GALNT13: variants seen among roughly 807,000 people sequenced by gnomAD.
GALNT13 encodes UDP-GalNAc:polypeptide N-acetylgalactosaminyltransferase 13.
A neutral mutation model predicts 64.2 loss-of-function variants in GALNT13; 28 were observed. The observed-to-expected ratio is 0.44, with a 90% CI of 0.32 to 0.60. The LOEUF is 0.60. Ranked by LOEUF, GALNT13 falls within the 20% of genes least tolerant of loss-of-function variation. The pLI, the probability that GALNT13 is intolerant of heterozygous loss-of-function variation, is 0.05. For missense variants in GALNT13, 577 were observed against 669.8 expected, an observed-to-expected ratio of 0.86 and a Z score of 1.53; for synonymous variants, 214 against 224.6, an observed-to-expected ratio of 0.95 and a Z score of 0.42.
chr2:153,591,460 T>C, the GALNT13 span, among the ~76,000 whole-genome samples: 28 of 152,186 alleles, frequency 1.8e-4, no homozygotes, highest in African/African-American at 6.5e-4. Context: ...TTGTAACATT[T>C]ATATGGAACC....
chr2:153,675,915 A>G, the GALNT13 span, among the ~76,000 whole-genome samples: 2 of 152,122 alleles, frequency 1.3e-5, no homozygotes, highest in Non-Finnish European at 1.5e-5. Context: ...AAAAAGTTAG[A>G]AAGATCTCAT....
At chr2:153,819,094 C>T in the GALNT13 span, among the ~76,000 whole-genome samples, 35,110 of 152,002 alleles carry the variant, frequency 0.23, 4,404 homozygotes, top group Non-Finnish European at 0.27. Context: ...ATCATTTCTC[C>T]CAGGGCCTGA....
chr2:153,800,558 A>T, the GALNT13 span, among the ~76,000 whole-genome samples: 1 of 152,208 alleles, frequency 6.6e-6, no homozygotes, highest in East Asian at 1.9e-4. Flanking sequence ...ATTTCTTTCA[A>T]ACTTGGTATC....
chr2:153,420,860 A>G, the GALNT13 span: 2 of 245,368 alleles, frequency 8.2e-6, no homozygotes, highest in Admixed American at 4.1e-5. Flanking sequence ...CCCAGGCCTC[A>G]GCAATGGCTA....
At chr2:154,455,814 C>T (rs1574343145), downstream of GALNT13, among the ~76,000 whole-genome samples, 2 of 152,170 alleles carry the variant, frequency 1.3e-5, no homozygotes, top group Non-Finnish European at 2.9e-5. Flanking sequence ...CTCTGAAATA[C>T]TGGTGAATTC....
chr2:153,956,345 T>A (rs949338198), intron 3 of GALNT13, among the ~76,000 whole-genome samples: 2 of 152,184 alleles, frequency 1.3e-5, no homozygotes, highest in East Asian at 1.9e-4. Flanking sequence ...ATTTAGCAAA[T>A]CAATACCTTA....
chr2:154,204,435 C>T (rs138668576), intron 4 of GALNT13, among the ~76,000 whole-genome samples: 8 of 152,112 alleles, frequency 5.3e-5, no homozygotes, highest in Middle Eastern at 3.4e-3. Context: ...TTTCAAGGCA[C>T]GATAACTTGA....
intron 9 of GALNT13, among the ~76,000 whole-genome samples, chr2:154,347,482 C>A (rs77853476): frequency 3.3e-5 from 5 of 152,092 alleles, no homozygotes; most frequent in African/African-American, 1.2e-4. Flanking sequence ...AAATTATCTG[C>A]TCTCCAGTAA....
chr2:153,908,256 T>C (rs182649237), intron 2 of GALNT13, among the ~76,000 whole-genome samples: 62 of 152,138 alleles, frequency 4.1e-4, no homozygotes, highest in African/African-American at 1.4e-3. Flanking sequence ...TACTTTTTCA[T>C]TGTAATTTAA....
chr2:153,984,685 T>A (rs1694678705), intron 3 of GALNT13, among the ~76,000 whole-genome samples: 2 of 151,988 alleles, frequency 1.3e-5, no homozygotes, highest in South Asian at 4.1e-4. Context: ...ATAAGCAACA[T>A]GATGCCCTCC....
intron 3 of GALNT13, among the ~76,000 whole-genome samples, chr2:154,036,743 G>C (rs1048191248): frequency 1.3e-5 from 2 of 151,916 alleles, no homozygotes; most frequent in Non-Finnish European, 2.9e-5. Context: ...TAATCCAATG[G>C]GAAGGAACAA....
chr2:153,962,961 A>G (rs1041012262), intron 3 of GALNT13, among the ~76,000 whole-genome samples: 1 of 152,204 alleles, frequency 6.6e-6, no homozygotes, highest in Non-Finnish European at 1.5e-5. Context: ...GCATAAAAAT[A>G]TTCTGTGGTA....
At chr2:154,228,124 G>A (rs1688723933) in intron 4 of GALNT13, among the ~76,000 whole-genome samples, 1 of 152,038 alleles carries the variant, frequency 6.6e-6, no homozygotes, top group Non-Finnish European at 1.5e-5. Flanking sequence ...TGATTCTGAT[G>A]TTAGTTCTGT....
the GALNT13 span, among the ~76,000 whole-genome samples, chr2:153,278,931 G>T: frequency 6.6e-6 from 1 of 152,116 alleles, no homozygotes; most frequent in African/African-American, 2.4e-5. Flanking sequence ...TATTGAATCT[G>T]CAGGTTACTT....
chr2:153,692,914 A>T, the GALNT13 span, among the ~76,000 whole-genome samples: 1 of 152,208 alleles, frequency 6.6e-6, no homozygotes, highest in African/African-American at 2.4e-5. Context: ...GGAGGTTTCT[A>T]GAAATCCAGA....
intron 2 of GALNT13, among the ~76,000 whole-genome samples, chr2:153,941,619 C>T (rs922421704): frequency 1.6e-4 from 24 of 152,210 alleles, no homozygotes; most frequent in Admixed American, 1.3e-3. Flanking sequence ...ACTGTGCTTA[C>T]GTTGGTTAGT....
chr2:154,264,843 A>G (rs1037401412), intron 8 of GALNT13, among the ~76,000 whole-genome samples: 1 of 151,864 alleles, frequency 6.6e-6, no homozygotes, highest in Non-Finnish European at 1.5e-5. Flanking sequence ...CCACCTTCAG[A>G]AACTAGAAAA....
chr2:153,613,646 A>G, the GALNT13 span, among the ~76,000 whole-genome samples: 2 of 152,272 alleles, frequency 1.3e-5, no homozygotes, highest in South Asian at 2.1e-4. Flanking sequence ...TCCTGATATA[A>G]GAAAAGTGTT....
At chr2:153,611,352 C>T in the GALNT13 span, among the ~76,000 whole-genome samples, 7 of 152,048 alleles carry the variant, frequency 4.6e-5, no homozygotes, top group East Asian at 1.9e-4. Context: ...CCTGCCCCCC[C>T]GTCCGCCTTT....
Sources: allele counts gnomAD v4.1 joint callset (sites outside exome capture counted in the v4.1 genomes callset), GRCh38; gene constraint gnomAD v4.1.1; transcripts MANE v1.5; gene names NCBI Gene and HGNC (gene_info 2026-07-23, HGNC 2026-07-21).